Variants in DOCK9 observed in about 807,000 individuals in gnomAD.
DOCK9 encodes the protein dedicator of cytokinesis protein 9.
Under a neutral mutation model 263.3 loss-of-function variants are expected in DOCK9, and 89 were observed. The observed-to-expected ratio is 0.34, with a 90% CI of 0.28 to 0.40. The LOEUF is 0.40. Among genes scored for constraint, DOCK9 ranks in the 10% least tolerant of loss-of-function variants. DOCK9 has a pLI of 1.00. For synonymous variants in DOCK9, 976 were observed against 973.1 expected (o/e 1.00, Z -0.06); for missense variants, 2,140 against 2,603.4 (o/e 0.82, Z 3.87).
chr13:99,074,334 T>A (rs59474292), intron 1 of DOCK9, among the ~76,000 whole-genome samples: 3 of 152,260 alleles, frequency 2.0e-5, no homozygotes, highest in Admixed American at 2.0e-4. Flanking sequence ...TTGTAAGGGC[T>A]GACACTTTGT....
At chr13:98,970,516 G>A (rs992993576) in intron 1 of DOCK9, among the ~76,000 whole-genome samples, 3 of 152,104 alleles carry the variant, frequency 2.0e-5, no homozygotes, top group Admixed American at 6.5e-5. Flanking sequence ...TCTCTGCATC[G>A]CTTGCTGCTG....
chr13:98,962,749 A>C (rs1212245560), intron 1 of DOCK9, among the ~76,000 whole-genome samples: 1 of 152,222 alleles, frequency 6.6e-6, no homozygotes, highest in East Asian at 1.9e-4. Flanking sequence ...GACCCAATAT[A>C]GAGAAAACTG....
intron 1 of DOCK9, among the ~76,000 whole-genome samples, chr13:98,973,590 CT>C (rs775796449): frequency 9.2e-5 from 14 of 152,294 alleles, no homozygotes; most frequent in Admixed American, 1.3e-4. Context: ...AAAGGTGTCT[CT>C]GAAAAGAAAC....
intron 1 of DOCK9, among the ~76,000 whole-genome samples, chr13:98,988,615 C>G (rs1382419319): frequency 6.6e-6 from 1 of 152,216 alleles, no homozygotes; most frequent in Non-Finnish European, 1.5e-5. Context: ...GTACAAGTGA[C>G]CAGATCTTCA....
At chr13:98,938,646 T>C (rs2055299121) in intron 2 of DOCK9, among the ~76,000 whole-genome samples, 1 of 152,220 alleles carries the variant, frequency 6.6e-6, no homozygotes, top group South Asian at 2.1e-4. Context: ...TTTAAATAAA[T>C]ATAAGAGTGA....
chr13:98,818,308 AT>A (rs1046822424), intron 45 of DOCK9, among the ~76,000 whole-genome samples: 3 of 152,334 alleles, frequency 2.0e-5, no homozygotes, highest in African/African-American at 7.2e-5. Flanking sequence ...CCATACACCA[AT>A]ACAAAATTAT....
chr13:98,824,529 G>A (rs2092444694), intron 44 of DOCK9, 25 bp from the exon 45 acceptor site: 2 of 1,605,580 alleles, frequency 1.2e-6, no homozygotes, highest in Non-Finnish European at 1.7e-6. Context: ...AGGAGGGACA[G>A]TCAGAGTTAG....
chr13:98,969,494 A>G (rs2059522103), intron 1 of DOCK9, among the ~76,000 whole-genome samples: 1 of 152,100 alleles, frequency 6.6e-6, no homozygotes, highest in South Asian at 2.1e-4. Context: ...ATTATATCAG[A>G]CATCGAATAC....
chr13:99,010,171 G>A (rs1322306654), intron 1 of DOCK9, among the ~76,000 whole-genome samples: 1 of 152,206 alleles, frequency 6.6e-6, no homozygotes, highest in Non-Finnish European at 1.5e-5. Context: ...CCTAGCTGCT[G>A]TTAAAGTTCT....
rs755605591 is a variant in DOCK9 at position 98,904,694 on chromosome 13, C to T, written c.973G>A (p.Ala325Thr). Residue 325 changes from alanine (A) to threonine (T), a missense_variant, in exon 10 of 53, where the codon GCA becomes ACA. By Grantham distance (58) the Ala-to-Thr change is moderately conservative. Transcript: ENST00000682017. Reference sequence around the variant, plus strand: ...CTTTCACTTTTCAGTTTGATTTCTGCTTCTCTTGCACTCTGATAACAAGAT... The same window carrying T: ...CTTTCACTTTTCAGTTTGATTTCTGTTTCTCTTGCACTCTGATAACAAGAT... ...LPELAKSAREAEIKLKSESRV... is the reference protein window; with the variant it reads ...LPELAKSARETEIKLKSESRV... 2 of 1,554,944 alleles carry T rather than the reference C, an allele frequency of 1.3e-6. No individual in the cohort carries two copies. The highest frequency in any genetic ancestry group is 2.4e-5 in the South Asian group (2 of 84,110).
Position 98,818,853 on chromosome 13 carries a change from G to A in DOCK9, c.5130+5545C>T, listed in dbSNP as rs185928795. Among the ~76,000 whole-genome samples, 91 of 152,146 alleles carry A rather than the reference G, an allele frequency of 6.0e-4. 1 individual carries two copies. In the South Asian group the frequency reaches 8.3e-3, roughly 14 times the overall value. On this transcript the variant is annotated intron_variant, in intron 45 of 52. Coordinates refer to ENST00000682017, the MANE Select transcript of DOCK9 (RefSeq NM_001366683.2). Reference sequence around the variant, plus strand: ...ACATTGTGTGTGTGTGTGTGTGTGCGCACACATGTGCATGAAAATGCCTGC... The same window carrying A: ...ACATTGTGTGTGTGTGTGTGTGTGCACACACATGTGCATGAAAATGCCTGC...
chr13:98,894,933 A>C (rs908558428), intron 15 of DOCK9, among the ~76,000 whole-genome samples: 3 of 129,948 alleles, frequency 2.3e-5, no homozygotes, highest in Admixed American at 8.8e-5. Context: ...AGATGGTGAG[A>C]TATTTAGTAT....
chr13:98,979,491 A>G (rs1876563555), upstream of DOCK9, among the ~76,000 whole-genome samples: 1 of 152,070 alleles, frequency 6.6e-6, no homozygotes, highest in Non-Finnish European at 1.5e-5. Flanking sequence ...CAGCTGCTCT[A>G]CTTCAAGAGT....
At chr13:98,979,225 GTAGTA>G (rs1418386774), upstream of DOCK9, among the ~76,000 whole-genome samples, 4 of 131,120 alleles carry the variant, frequency 3.1e-5, no homozygotes, top group African/African-American at 8.8e-5. Flanking sequence ...AGTAGTAGTA[GTAGTA>G]GCAGCAGCGG....
intron 7 of DOCK9, among the ~76,000 whole-genome samples, chr13:98,915,920 C>A (rs1380710200): frequency 6.6e-6 from 1 of 151,910 alleles, no homozygotes; most frequent in Non-Finnish European, 1.5e-5. Context: ...TTCTTCAGCT[C>A]CTATTTTTTT....
rs74738677 is a variant in DOCK9, at chr13:99,035,892, G to A, written c.129+50331C>T. 7.9e-5 allele frequency among the ~76,000 whole-genome samples: 12 copies of A among 152,076 alleles called. No individual in the cohort carries two copies. The East Asian group carries it at 2.3e-3, about 29-fold the overall frequency. On this transcript the variant is annotated intron_variant, in intron 1 of 32. Transcript: ENST00000427887. ...CAGATTGCCCTCCATAATCTGGGAG[G>A]GCCTCATCCAAGCAGTTGAAGACCT...
chr13:99,080,123 C>T (rs2042069355), intron 1 of DOCK9, among the ~76,000 whole-genome samples: 2 of 152,204 alleles, frequency 1.3e-5, no homozygotes, highest in African/African-American at 2.4e-5. Context: ...TTTTATTTTA[C>T]AAATAACTCT....
At chr13:98,806,264 A>G (rs1434532287) in intron 48 of DOCK9, among the ~76,000 whole-genome samples, 1 of 152,258 alleles carries the variant, frequency 6.6e-6, no homozygotes, top group African/African-American at 2.4e-5. Context: ...TTTAGTTTCT[A>G]TTTAACATAT....
At chr13:98,897,020 G>C (rs1231294327) in intron 15 of DOCK9, among the ~76,000 whole-genome samples, 3 of 152,184 alleles carry the variant, frequency 2.0e-5, no homozygotes, top group African/African-American at 7.2e-5. Flanking sequence ...GAGCAATGCT[G>C]CCACAAGCTA....
Sources: allele counts gnomAD v4.1 joint callset (sites outside exome capture counted in the v4.1 genomes callset), GRCh38; gene constraint gnomAD v4.1.1; transcripts MANE v1.5; gene names NCBI Gene and HGNC (gene_info 2026-07-23, HGNC 2026-07-21).